Variants in LRRC37A2 observed in about 807,000 individuals in gnomAD.
LRRC37A2 encodes the protein leucine-rich repeat-containing protein 37A2.
A neutral mutation model predicts 68.8 loss-of-function variants in LRRC37A2; 9 were observed. That is an observed-to-expected ratio of 0.13 (90% CI 0.08 to 0.23). LRRC37A2 has a LOEUF of 0.23. Ranked by LOEUF, LRRC37A2 falls within the 10% of genes least tolerant of loss-of-function variation. The pLI is 1.00. For synonymous variants in LRRC37A2, 63 were observed against 367.6 expected (o/e 0.17, Z 9.48); for missense variants, 168 against 950.4 (o/e 0.18, Z 10.82).
chr17:47,003,428 G>A, the LRRC37A2 span, among the ~76,000 whole-genome samples: 2 of 152,202 alleles, frequency 1.3e-5, no homozygotes, highest in Non-Finnish European at 2.9e-5. Flanking sequence ...CACACAACAG[G>A]GGGGCAGGGC....
chr17:46,720,952 T>C, the LRRC37A2 span, among the ~76,000 whole-genome samples: 1 of 152,198 alleles, frequency 6.6e-6, no homozygotes, highest in Non-Finnish European at 1.5e-5. Context: ...TTTGCACTTG[T>C]GTAGACTCTG....
At chr17:47,024,986 C>T in the LRRC37A2 span, among the ~76,000 whole-genome samples, 4 of 150,470 alleles carry the variant, frequency 2.7e-5, no homozygotes, top group Non-Finnish European at 3.0e-5. Flanking sequence ...AAAATCTGAG[C>T]AGTGACTGAC....
At chr17:46,879,706 C>T in the LRRC37A2 span, among the ~76,000 whole-genome samples, 3 of 152,224 alleles carry the variant, frequency 2.0e-5, no homozygotes, top group African/African-American at 7.2e-5. Flanking sequence ...CCAGGCACTA[C>T]GGGCTGACCT....
At chr17:46,890,713 C>T in the LRRC37A2 span, among the ~76,000 whole-genome samples, 1 of 152,186 alleles carries the variant, frequency 6.6e-6, no homozygotes, top group African/African-American at 2.4e-5. Flanking sequence ...TTGTCACAAG[C>T]CTGCCTTCCA....
the LRRC37A2 span, among the ~76,000 whole-genome samples, chr17:46,569,417 G>T: frequency 9.3e-5 from 14 of 150,726 alleles, no homozygotes; most frequent in Non-Finnish European, 1.9e-4. Context: ...AAGGCATCAT[G>T]TCTGGGATGG....
At chr17:46,569,261 T>C in the LRRC37A2 span, among the ~76,000 whole-genome samples, 1 of 151,322 alleles carries the variant, frequency 6.6e-6, no homozygotes, top group Non-Finnish European at 1.5e-5. Context: ...ATACATTTGA[T>C]ACAACTGGAG....
chr17:46,881,454 T>C, the LRRC37A2 span, among the ~76,000 whole-genome samples: 2 of 152,210 alleles, frequency 1.3e-5, no homozygotes, highest in African/African-American at 4.8e-5. Flanking sequence ...CCCTTCTTCT[T>C]TTTTTACAGA....
chr17:46,501,001 G>A, the LRRC37A2 span, among the ~76,000 whole-genome samples: 1 of 151,126 alleles, frequency 6.6e-6, no homozygotes, highest in African/African-American at 2.5e-5. Context: ...CTAACATGGT[G>A]AGACCCCGTC....
At chr17:46,838,120 G>T in the LRRC37A2 span, among the ~76,000 whole-genome samples, 1 of 152,230 alleles carries the variant, frequency 6.6e-6, no homozygotes, top group African/African-American at 2.4e-5. Context: ...AGTCATGGGA[G>T]GGGCAACAGA....
chr17:46,988,347 C>T, the LRRC37A2 span, among the ~76,000 whole-genome samples: 1 of 152,182 alleles, frequency 6.6e-6, no homozygotes, highest in Admixed American at 6.5e-5. Flanking sequence ...TGGGGAGCAA[C>T]TGCTTGATGG....
the LRRC37A2 span, chr17:46,773,638 C>CCCCA: frequency 1.5e-6 from 1 of 679,584 alleles, no homozygotes; most frequent in Non-Finnish European, 2.3e-6. Flanking sequence ...CCACCCAGCC[C>CCCCA]CTCCCCCCCC....
the LRRC37A2 span, chr17:46,711,077 A>G: frequency 1.9e-6 from 3 of 1,579,406 alleles, no homozygotes; most frequent in Non-Finnish European, 8.6e-7. Flanking sequence ...GCAGCAGACT[A>G]AGAACAGTGA....
chr17:46,769,640 G>T, the LRRC37A2 span: 3 of 1,082,590 alleles, frequency 2.8e-6, no homozygotes, highest in Non-Finnish European at 2.7e-6. Flanking sequence ...TGTGGGGTGG[G>T]GAGGAGGCCA....
the LRRC37A2 span, chr17:46,940,164 C>G: frequency 7.5e-7 from 1 of 1,332,396 alleles, no homozygotes; most frequent in Non-Finnish European, 9.6e-7. Flanking sequence ...TTGGTCCTTT[C>G]AGGCACCTCT....
the LRRC37A2 span, among the ~76,000 whole-genome samples, chr17:46,707,731 G>A: frequency 6.6e-6 from 1 of 151,960 alleles, no homozygotes; most frequent in South Asian, 2.1e-4. Flanking sequence ...TTTAAGGCTG[G>A]ATAATACTCC....
At chr17:47,038,502 C>G in the LRRC37A2 span, among the ~76,000 whole-genome samples, 4 of 151,316 alleles carry the variant, frequency 2.6e-5, no homozygotes, top group Non-Finnish European at 4.4e-5. Context: ...GTCGTCTCAG[C>G]TACATCTTAA....
the LRRC37A2 span, among the ~76,000 whole-genome samples, chr17:46,767,417 G>A: frequency 5.3e-5 from 8 of 152,184 alleles, no homozygotes; most frequent in Non-Finnish European, 8.8e-5. Context: ...AGGTTGGTAC[G>A]ATTTATGCTT....
the LRRC37A2 span, among the ~76,000 whole-genome samples, chr17:46,912,606 C>A: frequency 6.6e-6 from 1 of 152,216 alleles, no homozygotes; most frequent in East Asian, 1.9e-4. Context: ...GGGGCAACAT[C>A]CCCTCTACTT....
chr17:47,014,874 G>A, the LRRC37A2 span, among the ~76,000 whole-genome samples: 1,545 of 152,042 alleles, frequency 0.01, 18 homozygotes, highest in African/African-American at 0.035. Flanking sequence ...ATATTTTGCC[G>A]AAGATCTTTC....
Sources: allele counts gnomAD v4.1 joint callset (sites outside exome capture counted in the v4.1 genomes callset), GRCh38; gene constraint gnomAD v4.1.1; transcripts MANE v1.5; gene names NCBI Gene and HGNC (gene_info 2026-07-23, HGNC 2026-07-21).